Variants in CMC2 observed in about 807,000 individuals in gnomAD.
CMC2 encodes the protein COX assembly mitochondrial protein 2 homolog.
A neutral mutation model predicts 7.5 loss-of-function variants in CMC2; 5 were observed. The observed-to-expected ratio is 0.66, with a 90% CI of 0.35 to 1.40. The LOEUF (loss-of-function observed/expected upper bound fraction) is 1.40. CMC2 is among the 40% of genes most tolerant of loss of function. CMC2 has a pLI of 0.04. For missense variants in CMC2, 115 were observed against 92.3 expected (o/e 1.25, Z -1.01); for synonymous variants, 37 against 31.4 (o/e 1.18, Z -0.60).
chr16:80,982,584 C>G (rs1183770962), intron 2 of CMC2: 2 of 130,194 alleles, frequency 1.5e-5, no homozygotes, highest in South Asian at 2.5e-4. Flanking sequence ...AAAACATATA[C>G]AAATTTTAAA....
intron 2 of CMC2, chr16:80,988,485 A>C: frequency 1.5e-6 from 1 of 689,476 alleles, no homozygotes; most frequent in Admixed American, 2.2e-5. Context: ...AACAGTACAA[A>C]GAATTTCCAA....
At chr16:80,996,618 A>G (rs1968435930) in intron 2 of CMC2, among the ~76,000 whole-genome samples, 1 of 152,340 alleles carries the variant, frequency 6.6e-6, no homozygotes, top group South Asian at 2.1e-4. Flanking sequence ...GTGATACTTT[A>G]TATTATTATA....
rs62056082 is a variant in CMC2, at chr16:80,997,182, C to T, written c.81+132G>A. ...AGAAAAAAATCGCACATATCAACTG[C>T]TAATCTTGACTAAACTCAGACTCCT... On this transcript the variant is annotated intron_variant, in intron 2 of 3. Coordinates refer to ENST00000219400, the MANE Select transcript of CMC2 (RefSeq NM_020188.5). 3.2e-3 allele frequency: 2,082 copies of T among 652,616 alleles called. 5 individuals are homozygous for T. The highest frequency in any genetic ancestry group is 4.0e-3 in the Non-Finnish European group (1,468 of 363,448). The allele number at this position is 652,616 out of a possible 1,614,324, so 40.4% of individuals were successfully genotyped here.
intron 2 of CMC2, among the ~76,000 whole-genome samples, chr16:80,992,726 T>C (rs1968105523): frequency 7.0e-6 from 1 of 143,182 alleles, no homozygotes; most frequent in African/African-American, 2.6e-5. Flanking sequence ...TTTTTTTGTG[T>C]AAAGACAGGG....
intron 1 of CMC2, among the ~76,000 whole-genome samples, chr16:81,002,781 T>C (rs981943262): frequency 4.6e-5 from 7 of 152,238 alleles, no homozygotes; most frequent in Non-Finnish European, 1.0e-4. Flanking sequence ...TTCACATTAT[T>C]TAGTTTTACT....
rs771805397 is a variant in CMC2 at position 80,966,576 on chromosome 16, A to C, written c.*9517T>G. On this transcript the variant is annotated 3_prime_UTR_variant, in exon 4 of 4. Transcript: ENST00000219400. ...TCATAACTTTAAAACGTGATATTTT[A>C]TAATACCAATTTCAAAACAATATTA... The C allele has an allele frequency of 6.6e-6, 1 of 152,138 alleles. No homozygotes were observed. Among genetic ancestry groups the C allele is most frequent in the Admixed American group, 6.5e-5 (1 of 15,286 alleles). 9.4% of individuals were successfully genotyped at this position (152,138 alleles called of 1,614,324 possible).
chr16:80,969,753 C>G lies in CMC2; in HGVS notation c.*6340G>C, dbSNP rs11643659. On this transcript the variant is annotated 3_prime_UTR_variant, in exon 4 of 4. Transcript: ENST00000219400. Reference sequence around the variant, plus strand: ...AAGGACAAAAAAATTAGCCGGGCATCATGGTGCATGCCTGTAATCCCAGCT... The same window carrying G: ...AAGGACAAAAAAATTAGCCGGGCATGATGGTGCATGCCTGTAATCCCAGCT... 0.18 allele frequency: 26,891 copies of G among 152,082 alleles called. 2,832 individuals carry two copies. The highest frequency in any genetic ancestry group is 0.3 in the African/African-American group (12,551 of 41,398). 9.4% of individuals were successfully genotyped at this position (152,082 alleles called of 1,614,324 possible).
chr16:80,998,598 C>A (rs749600667), intron 1 of CMC2: 1 of 152,056 alleles, frequency 6.6e-6, no homozygotes. Flanking sequence ...GCATATTATT[C>A]ACAATAATTA....
rs1912133301 is a variant in CMC2 at position 80,974,416 on chromosome 16, T to C, written c.*1677A>G. 6.6e-6 allele frequency: 1 copy of C among 152,168 alleles called. No individual in the cohort carries two copies. Among genetic ancestry groups the C allele is most frequent in the Non-Finnish European group, 1.5e-5 (1 of 68,034 alleles). The allele number at this position is 152,168 out of a possible 1,614,324, so 9.4% of individuals were successfully genotyped here. A position where few individuals can be genotyped will look rare whatever the true frequency, so the allele number is the denominator to read the frequency against. On this transcript the variant is annotated 3_prime_UTR_variant, in exon 4 of 4. Coordinates refer to ENST00000219400, the MANE Select transcript of CMC2 (RefSeq NM_020188.5). ...CTAACTCCTCTACCCAAATCCCTAATCACCATATTAAAACCTGCAACTGGT... is the reference window on the plus strand; with the variant it reads ...CTAACTCCTCTACCCAAATCCCTAACCACCATATTAAAACCTGCAACTGGT...
chr16:80,986,454 C>T (rs1420598807), intron 2 of CMC2, among the ~76,000 whole-genome samples: 2 of 78,806 alleles, frequency 2.5e-5, no homozygotes, highest in African/African-American at 3.6e-5. Context: ...AACTCCGTCT[C>T]AAAAGAAAAA....
chr16:80,988,707 G>T, intron 2 of CMC2: 1 of 587,014 alleles, frequency 1.7e-6, no homozygotes, highest in Non-Finnish European at 3.0e-6. Context: ...TCACCAATTT[G>T]CCTAATAATA....
At chr16:80,986,335 G>A (rs1332377273) in intron 2 of CMC2, among the ~76,000 whole-genome samples, 2 of 152,082 alleles carry the variant, frequency 1.3e-5, no homozygotes, top group Non-Finnish European at 2.9e-5. Flanking sequence ...GGGCGACAGA[G>A]AGAAACTCTG....
In CMC2 at chr16:80,968,495, C is replaced by T. The variant is rs1805431058; in HGVS notation, c.*7598G>A. 1 of 152,142 alleles carries T rather than the reference C, an allele frequency of 6.6e-6. No homozygotes were observed. Among genetic ancestry groups the T allele is most frequent in the African/African-American group, 2.4e-5 (1 of 41,408 alleles). 9.4% of individuals were successfully genotyped at this position (152,142 alleles called of 1,614,324 possible). ...CTGAACAGAAGATGCTCTTATAACT[C>T]CTCTCTTTGCCATGCCCTCCCCAAC... On this transcript the variant is annotated 3_prime_UTR_variant, in exon 4 of 4. Transcript: ENST00000219400.
intron 2 of CMC2, among the ~76,000 whole-genome samples, chr16:80,992,618 T>G (rs942527559): frequency 1.3e-5 from 2 of 152,172 alleles, no homozygotes; most frequent in Non-Finnish European, 2.9e-5. Context: ...TTCTCATGTT[T>G]AAAGGCCATC....
chr16:80,999,300 C>T (rs1968671980), intron 1 of CMC2, among the ~76,000 whole-genome samples: 1 of 152,090 alleles, frequency 6.6e-6, no homozygotes, highest in African/African-American at 2.4e-5. Flanking sequence ...ATCAAGAATA[C>T]AATCCCATTT....
At position 81,006,865 on chromosome 16, in the gene CMC2, G is replaced by C; in HGVS notation, c.-167C>G. 4.1e-6 allele frequency: 4 copies of C among 986,024 alleles called. No homozygotes were observed. The highest frequency in any genetic ancestry group is 4.8e-6 in the Non-Finnish European group (4 of 830,436). The allele number at this position is 986,024 out of a possible 1,614,324, so 61.1% of individuals were successfully genotyped here. A position where few individuals can be genotyped will look rare whatever the true frequency, so the allele number is the denominator to read the frequency against. On this transcript the variant is annotated 5_prime_UTR_variant, in exon 1 of 4. Transcript: ENST00000219400. Reference sequence around the variant, plus strand: ...CCGAAACCCAGTGACGCCCTCCACCGCTCCACCGTGCTCCCGGCTCCTCGC... The same window carrying C: ...CCGAAACCCAGTGACGCCCTCCACCCCTCCACCGTGCTCCCGGCTCCTCGC...
At chr16:80,997,502 C>G (rs1415446241) in intron 1 of CMC2, 73 bp from the exon 2 acceptor site, 2 of 745,570 alleles carry the variant, frequency 2.7e-6, no homozygotes, top group East Asian at 5.2e-5. Context: ...TTCATAAGAA[C>G]CTCTAGTGAC....
intron 2 of CMC2, among the ~76,000 whole-genome samples, chr16:80,995,928 TAA>T (rs1968381792): frequency 1.3e-5 from 2 of 152,002 alleles, no homozygotes; most frequent in Admixed American, 6.6e-5. Flanking sequence ...TACACCTCAA[TAA>T]AGTTAATTTT....
chr16:81,006,619 T>C, intron 1 of CMC2, 115 bp downstream of exon 1: 4 of 789,384 alleles, frequency 5.1e-6, no homozygotes, highest in Non-Finnish European at 6.1e-6. Context: ...GTCTTCCTGG[T>C]CCCCACCTCC....
Sources: gnomAD v4.1 joint callset for allele counts (sites outside exome capture counted in the v4.1 genomes callset) on GRCh38, gnomAD v4.1.1 for gene constraint, MANE v1.5 for transcripts, NCBI Gene and HGNC (gene_info 2026-07-23, HGNC 2026-07-21) for gene names.